FHIT: variants seen among roughly 807,000 people sequenced by gnomAD.
The protein encoded by FHIT is fragile histidine triad diadenosine triphosphatase, also known as bis(5'-adenosyl)-triphosphatase.
Under a neutral mutation model 17.9 loss-of-function variants are expected in FHIT, and 19 were observed. The ratio of observed to expected loss-of-function variants is 1.06; its 90% CI spans 0.74 to 1.56. The LOEUF is 1.56. FHIT is among the 40% of genes most tolerant of loss of function. The probability of loss-of-function intolerance (pLI) is 0.00; values close to 1 mark genes in which losing one functional copy is unlikely to be tolerated. For missense variants in FHIT, 248 were observed against 189.2 expected (o/e 1.31, Z -1.82); for synonymous variants, 81 against 69.7 (o/e 1.16, Z -0.81).
intron 5 of FHIT, among the ~76,000 whole-genome samples, chr3:60,022,450 G>A (rs1395425355): frequency 2.0e-5 from 3 of 152,128 alleles, no homozygotes; most frequent in African/African-American, 7.2e-5. Context: ...GTCACTTCTG[G>A]GCTAAAGCCC....
chr3:59,901,284 T>C (rs559136236), intron 8 of FHIT, among the ~76,000 whole-genome samples: 24 of 152,350 alleles, frequency 1.6e-4, no homozygotes, highest in African/African-American at 5.8e-4. Context: ...TGATCCTTCC[T>C]ACCTGTGGGA....
intron 3 of FHIT, among the ~76,000 whole-genome samples, chr3:60,943,006 C>T (rs930146690): frequency 1.1e-4 from 17 of 152,060 alleles, no homozygotes; most frequent in African/African-American, 1.9e-4. Context: ...CTTTTTTCCT[C>T]TGAAATAAAG....
chr3:60,489,427 A>C (rs987297004), intron 5 of FHIT, among the ~76,000 whole-genome samples: 39 of 152,290 alleles, frequency 2.6e-4, no homozygotes, highest in African/African-American at 9.4e-4. Context: ...ACAAAGTTTA[A>C]ATTTTTAAAA....
chr3:59,884,497 C>A (rs1000888074), intron 8 of FHIT, among the ~76,000 whole-genome samples: 4 of 152,086 alleles, frequency 2.6e-5, no homozygotes, highest in Admixed American at 6.6e-5. Context: ...CTAGGGACAA[C>A]TTTATTATGG....
At chr3:59,885,745 T>C (rs973815613) in intron 8 of FHIT, among the ~76,000 whole-genome samples, 1 of 152,190 alleles carries the variant, frequency 6.6e-6, no homozygotes, top group African/African-American at 2.4e-5. Context: ...CCTCAAGGCA[T>C]GTATAAAGGA....
chr3:60,448,933 C>T (rs960019349), intron 5 of FHIT, among the ~76,000 whole-genome samples: 5 of 152,092 alleles, frequency 3.3e-5, no homozygotes, highest in Non-Finnish European at 7.4e-5. Flanking sequence ...GGCTAAGAAG[C>T]CTTCATTCCA....
intron 7 of FHIT, among the ~76,000 whole-genome samples, chr3:59,954,092 G>A (rs78022573): frequency 0.04 from 6,155 of 152,248 alleles, 194 homozygotes; most frequent in Admixed American, 0.091. Flanking sequence ...CAAAGGAGAA[G>A]AGCAGGGAGA....
At chr3:60,167,590 G>C (rs970263996) in intron 5 of FHIT, among the ~76,000 whole-genome samples, 8 of 152,282 alleles carry the variant, frequency 5.3e-5, no homozygotes, top group Non-Finnish European at 1.2e-4. Context: ...CTTAGTGAAT[G>C]ATTAGAGGGC....
intron 7 of FHIT, among the ~76,000 whole-genome samples, chr3:59,982,637 C>A (rs115027283): frequency 6.6e-6 from 1 of 152,234 alleles, no homozygotes; most frequent in South Asian, 2.1e-4. Flanking sequence ...CGGTATATGC[C>A]GTACTTGCAG....
At chr3:61,027,119 C>T (rs986078376) in intron 3 of FHIT, among the ~76,000 whole-genome samples, 1 of 152,056 alleles carries the variant, frequency 6.6e-6, no homozygotes, top group Admixed American at 6.5e-5. Flanking sequence ...TGGAGTCTGG[C>T]TCTGTTGCCC....
At chr3:59,981,321 C>T (rs72877036) in intron 7 of FHIT, among the ~76,000 whole-genome samples, 11,460 of 152,086 alleles carry the variant, frequency 0.075, 485 homozygotes, top group African/African-American at 0.1. Context: ...GAACGCTGTC[C>T]TGTCTTGTCT....
At chr3:60,048,320 A>G (rs1275627309) in intron 5 of FHIT, among the ~76,000 whole-genome samples, 1 of 152,008 alleles carries the variant, frequency 6.6e-6, no homozygotes, top group African/African-American at 2.4e-5. Context: ...GGGACTACGG[A>G]CATGTGCCAC....
chr3:60,388,551 C>G (rs908763704), intron 5 of FHIT, among the ~76,000 whole-genome samples: 1 of 152,088 alleles, frequency 6.6e-6, no homozygotes, highest in Admixed American at 6.6e-5. Flanking sequence ...CAATGAGCAG[C>G]GATCATGCCA....
chr3:60,195,626 T>TA (rs1702606139), intron 5 of FHIT, among the ~76,000 whole-genome samples: 1 of 146,156 alleles, frequency 6.8e-6, no homozygotes, highest in Admixed American at 6.9e-5. Flanking sequence ...ATTATATATA[T>TA]TAATATACAT....
intron 5 of FHIT, among the ~76,000 whole-genome samples, chr3:60,463,237 GA>G (rs973018019): frequency 4.0e-5 from 6 of 150,978 alleles, no homozygotes; most frequent in South Asian, 4.2e-4. Context: ...TGTTGAGAAG[GA>G]AAAAAAAATC....
intron 3 of FHIT, among the ~76,000 whole-genome samples, chr3:60,928,701 C>A (rs372534088): frequency 2.6e-5 from 4 of 152,038 alleles, no homozygotes; most frequent in East Asian, 1.9e-4. Context: ...CAATAACAGG[C>A]TCTGAAATTG....
At chr3:60,011,055 T>C (rs542343495) in intron 7 of FHIT, among the ~76,000 whole-genome samples, 27 of 152,308 alleles carry the variant, frequency 1.8e-4, no homozygotes, top group African/African-American at 5.3e-4. Context: ...CACAGGAAGC[T>C]CACATGCTAT....
intron 3 of FHIT, among the ~76,000 whole-genome samples, chr3:60,921,596 C>T (rs1553768372): frequency 6.6e-6 from 1 of 152,114 alleles, no homozygotes; most frequent in African/African-American, 2.4e-5. Flanking sequence ...ATGTCAAATC[C>T]TTTGAATATG....
intron 2 of FHIT, among the ~76,000 whole-genome samples, chr3:61,110,987 C>T (rs1010405138): frequency 4.6e-5 from 7 of 152,164 alleles, no homozygotes; most frequent in South Asian, 4.2e-4. Context: ...AACTCTCCAG[C>T]GCCCCTTAAC....
Sources: allele counts gnomAD v4.1 joint callset (sites outside exome capture counted in the v4.1 genomes callset), GRCh38; gene constraint gnomAD v4.1.1; transcripts MANE v1.5; gene names NCBI Gene and HGNC (gene_info 2026-07-23, HGNC 2026-07-21).